ZMYND8: variants seen among roughly 807,000 people sequenced by gnomAD.
ZMYND8 encodes the protein zinc finger MYND-type containing 8.
A neutral mutation model predicts 140.8 loss-of-function variants in ZMYND8; 37 were observed. The observed-to-expected ratio is 0.26, with a 90% CI of 0.20 to 0.35. ZMYND8 has a LOEUF of 0.35. ZMYND8 is among the 10% of genes least tolerant of loss of function. The pLI, the probability that ZMYND8 is intolerant of heterozygous loss-of-function variation, is 1.00. For synonymous variants in ZMYND8, 592 were observed against 597.1 expected (o/e 0.99, Z 0.12); for missense variants, 1,068 against 1,570.0 (o/e 0.68, Z 5.40).
chr20:47,272,659 G>A (rs553592940), intron 11 of ZMYND8, among the ~76,000 whole-genome samples: 1 of 152,320 alleles, frequency 6.6e-6, no homozygotes, highest in South Asian at 2.1e-4. Flanking sequence ...TGAGCAAAGT[G>A]CTTCTTAGAA....
chr20:47,238,819 G>C lies in ZMYND8; in HGVS notation c.2604C>G (p.Asn868Lys). The C allele has an allele frequency of 6.2e-7, 1 of 1,613,010 alleles. No individual in the cohort carries two copies. Among genetic ancestry groups the C allele is most frequent in the Non-Finnish European group, 8.5e-7 (1 of 1,179,922 alleles). Residue 868 changes from asparagine (N) to lysine (K), a missense_variant, in exon 15 of 23, where the codon AAC becomes AAG. Around this residue, in one of 10 missense-constraint regions of ZMYND8, gnomAD observed 383 missense variants for 431.2 expected, o/e 0.89. Transcript: ENST00000471951. The stretch of plus-strand genomic sequence containing the variant: ...GGGAAGACTGAGGCTGCTGCTGCTG[G>C]TTTTGCTGCTGCTGCTGCTGCTGCT... ...QRQQQQQQQQ[N>K]QQQQPQSSQG... is the part of the protein sequence containing the mutation.
At chr20:47,327,716 T>A (rs1344665055) in intron 2 of ZMYND8, among the ~76,000 whole-genome samples, 2 of 152,094 alleles carry the variant, frequency 1.3e-5, no homozygotes, top group African/African-American at 4.8e-5. Context: ...CATGGAACAA[T>A]CCTCCCGCCT....
At chr20:47,234,621 G>C in intron 16 of ZMYND8, among the ~76,000 whole-genome samples, 1 of 152,150 alleles carries the variant, frequency 6.6e-6, no homozygotes, top group East Asian at 1.9e-4. Context: ...GATAATAAAG[G>C]TGTGTGCTGT....
At chr20:47,236,558 C>T in intron 15 of ZMYND8, 42 bp from the exon 16 acceptor site, 1 of 1,500,830 alleles carries the variant, frequency 6.7e-7, no homozygotes, top group Non-Finnish European at 8.9e-7. Context: ...GTGGGAAGGA[C>T]CCATCCCAGC....
chr20:47,352,590 T>G, intron 1 of ZMYND8: 1 of 970,056 alleles, frequency 1.0e-6, no homozygotes, highest in Non-Finnish European at 1.2e-6. Flanking sequence ...CGTCATTTAC[T>G]GTTACAGGTC....
At chr20:47,241,244 G>A (rs2039928523) in intron 14 of ZMYND8, among the ~76,000 whole-genome samples, 2 of 135,272 alleles carry the variant, frequency 1.5e-5, no homozygotes, top group African/African-American at 5.7e-5. Context: ...GCAGTGAGCC[G>A]AAATCGCCCC....
rs189683462 is a variant in ZMYND8, at chr20:47,236,377, G to A, written c.2805C>T (p.Ile935=). ...LVSSVNADLP[I]ATASADVAAD... is the part of the protein sequence containing the mutation. ...CGGCGACATCAGCTGAGGCAGTGGCGATGGGCAGGTCAGCGTTGACTGAGG... is the reference window on the plus strand; with the variant it reads ...CGGCGACATCAGCTGAGGCAGTGGCAATGGGCAGGTCAGCGTTGACTGAGG... Residue 935 remains isoleucine, a synonymous_variant, in exon 16 of 23, where the codon ATC becomes ATT. Transcript: ENST00000471951. 5.1e-5 allele frequency: 83 copies of A among 1,614,204 alleles called. No homozygotes were observed. Among genetic ancestry groups the A allele is most frequent in the Admixed American group, 8.3e-5 (5 of 60,022 alleles).
At chr20:47,227,592 C>T (rs1318631640) in intron 17 of ZMYND8, among the ~76,000 whole-genome samples, 1 of 152,140 alleles carries the variant, frequency 6.6e-6, no homozygotes, top group Admixed American at 6.5e-5. Flanking sequence ...TCTATAAATA[C>T]GTAACAAATA....
rs532857314 is a variant in ZMYND8, at chr20:47,334,758, C to T, written c.85+13098G>A. Among the ~76,000 whole-genome samples the T allele has an allele frequency of 4.8e-3, 722 of 151,898 alleles. 5 individuals carry two copies. Among genetic ancestry groups the T allele is most frequent in the African/African-American group, 0.017 (694 of 41,442 alleles). ...CTGAGTAGCTGGGATTACAGGCACA[C>T]GCCACCACACTCAGCTAATTTTTTG... On this transcript the variant is annotated intron_variant, in intron 2 of 22. Transcript: ENST00000471951.
chr20:47,263,153 T>C (rs1396539575), intron 11 of ZMYND8, among the ~76,000 whole-genome samples: 1 of 152,182 alleles, frequency 6.6e-6, no homozygotes, highest in Non-Finnish European at 1.5e-5. Context: ...CAAGCATTCA[T>C]AGGGGCCAAC....
intron 2 of ZMYND8, among the ~76,000 whole-genome samples, chr20:47,340,371 C>A (rs926565645): frequency 6.6e-6 from 1 of 152,032 alleles, no homozygotes; most frequent in Non-Finnish European, 1.5e-5. Context: ...CCCAGCTACT[C>A]GGGAGGCTGA....
chr20:47,295,938 G>A (rs2077608087), intron 4 of ZMYND8, among the ~76,000 whole-genome samples: 1 of 151,908 alleles, frequency 6.6e-6, no homozygotes, highest in African/African-American at 2.4e-5. Flanking sequence ...TTTGGATTCT[G>A]TTTCCATTTT....
intron 2 of ZMYND8, among the ~76,000 whole-genome samples, chr20:47,310,769 G>C (rs1443259479): frequency 1.3e-5 from 2 of 149,058 alleles, no homozygotes; most frequent in African/African-American, 5.0e-5. Flanking sequence ...CTGGGGGACA[G>C]GGCAAGCCTC....
At chr20:47,228,274 C>A (rs1429237554) in intron 17 of ZMYND8, among the ~76,000 whole-genome samples, 1 of 152,144 alleles carries the variant, frequency 6.6e-6, no homozygotes, top group African/African-American at 2.4e-5. Flanking sequence ...CTAGAATGCA[C>A]AGGGCAGCCC....
chr20:47,235,476 G>T (rs1258434348), intron 16 of ZMYND8, among the ~76,000 whole-genome samples: 1 of 151,988 alleles, frequency 6.6e-6, no homozygotes, highest in African/African-American at 2.4e-5. Flanking sequence ...AGGCCGAGGT[G>T]GGTGGATCAC....
intron 14 of ZMYND8, among the ~76,000 whole-genome samples, chr20:47,239,655 G>C (rs1052137291): frequency 6.6e-6 from 1 of 152,174 alleles, no homozygotes; most frequent in African/African-American, 2.4e-5. Context: ...CAGTCACCCA[G>C]AAAGAAAAGT....
At chr20:47,307,096 C>A (rs2078548136) in intron 3 of ZMYND8, among the ~76,000 whole-genome samples, 1 of 151,984 alleles carries the variant, frequency 6.6e-6, no homozygotes, top group Non-Finnish European at 1.5e-5. Context: ...GAAGTGGGGC[C>A]CTGAGAGGTG....
intron 14 of ZMYND8, among the ~76,000 whole-genome samples, chr20:47,245,041 G>A (rs934015735): frequency 6.6e-6 from 1 of 152,014 alleles, no homozygotes; most frequent in Non-Finnish European, 1.5e-5. Flanking sequence ...TGGGCGACAA[G>A]AGCCAAATTC....
chr20:47,345,799 G>A (rs936492724), intron 2 of ZMYND8, among the ~76,000 whole-genome samples: 5 of 136,998 alleles, frequency 3.6e-5, no homozygotes, highest in Admixed American at 3.0e-4. Context: ...GTGAGCCAAC[G>A]CACTCTGTCC....
Sources: allele counts gnomAD v4.1 joint callset (sites outside exome capture counted in the v4.1 genomes callset), GRCh38; gene constraint gnomAD v4.1.1; regional missense constraint gnomAD v4.1.1; transcripts MANE v1.5; gene names NCBI Gene and HGNC (gene_info 2026-07-23, HGNC 2026-07-21).